Variants in BCR observed in about 807,000 individuals in gnomAD.
The protein encoded by BCR is BCR activator of RhoGEF and GTPase, also known as breakpoint cluster region protein.
Under a neutral mutation model 138.6 loss-of-function variants are expected in BCR, and 58 were observed. That is an observed-to-expected ratio of 0.42 (90% CI 0.34 to 0.52). The LOEUF (loss-of-function observed/expected upper bound fraction) is 0.52. Ranked by LOEUF, BCR falls within the 20% of genes least tolerant of loss-of-function variation. The pLI is 0.06. For missense variants in BCR, 1,599 were observed against 1,727.2 expected, an observed-to-expected ratio of 0.93 and a Z score of 1.32; for synonymous variants, 786 against 730.1, an observed-to-expected ratio of 1.08 and a Z score of -1.23.
chr22:23,260,260 C>T (rs1248907742), intron 2 of BCR, among the ~76,000 whole-genome samples: 1 of 152,176 alleles, frequency 6.6e-6, no homozygotes, highest in Non-Finnish European at 1.5e-5. Context: ...AGCAGGGACG[C>T]TAATGAGAAG....
intron 1 of BCR, among the ~76,000 whole-genome samples, chr22:23,210,432 A>G (rs965418227): frequency 2.6e-5 from 4 of 152,156 alleles, no homozygotes; most frequent in African/African-American, 7.2e-5. Context: ...GAAAAAAAAA[A>G]AAAAAATTAA....
chr22:23,231,238 G>A (rs1225967779), intron 1 of BCR, among the ~76,000 whole-genome samples: 1 of 152,078 alleles, frequency 6.6e-6, no homozygotes, highest in African/African-American at 2.4e-5. Flanking sequence ...ACCAGGGCAT[G>A]GTGGCTTGCT....
At chr22:23,197,571 G>A (rs2146206252) in intron 1 of BCR, among the ~76,000 whole-genome samples, 1 of 152,290 alleles carries the variant, frequency 6.6e-6, no homozygotes, top group Non-Finnish European at 1.5e-5. Flanking sequence ...GGCTCTGGTT[G>A]GAGAGTTGGT....
intron 1 of BCR, among the ~76,000 whole-genome samples, chr22:23,208,585 G>A (rs908429764): frequency 3.9e-5 from 6 of 152,180 alleles, no homozygotes; most frequent in African/African-American, 1.4e-4. Flanking sequence ...AGGCACTGTG[G>A]CTCATGCCTA....
At chr22:23,245,661 TC>T (rs1474949718) in intron 1 of BCR, among the ~76,000 whole-genome samples, 1 of 152,008 alleles carries the variant, frequency 6.6e-6, no homozygotes, top group Non-Finnish European at 1.5e-5. Context: ...ACCACACATC[TC>T]CGAAAGCACT....
intron 1 of BCR, among the ~76,000 whole-genome samples, chr22:23,250,430 C>G (rs1032908536): frequency 2.0e-5 from 3 of 152,178 alleles, no homozygotes; most frequent in Admixed American, 6.5e-5. Flanking sequence ...TGGTTTTAGT[C>G]TCTTTCTCTA....
Position 23,181,924 on chromosome 22 carries a change from G to T in BCR, c.964G>T (p.Glu322Ter). Residue 322 changes from glutamate to a stop codon, truncating the protein, a stop_gained, in exon 1 of 23, where the codon GAG becomes TAG. Coordinates refer to ENST00000305877, the MANE Select transcript of BCR (RefSeq NM_004327.4). LOFTEE classifies it high-confidence loss of function. The part of the protein sequence containing the change: ...PRRSYSPRSF[E>*]DCGGGYTPDC... ...CAGGTCCTACTCCCCCCGGAGTTTTGAGGATTGCGGAGGCGGCTATACCCC... is the reference window on the plus strand; with the variant it reads ...CAGGTCCTACTCCCCCCGGAGTTTTTAGGATTGCGGAGGCGGCTATACCCC... The T allele has an allele frequency of 1.2e-6, 2 of 1,613,128 alleles. No homozygotes were observed. Among genetic ancestry groups the T allele is most frequent in the Non-Finnish European group, 1.7e-6 (2 of 1,179,922 alleles).
chr22:23,311,831 A>G lies in BCR; in HGVS notation c.3317A>G (p.Asp1106Gly). The change falls in exon 19 of 23, where the codon GAC (aspartate) becomes GGC (glycine). Residue 1106 changes from aspartate to glycine, a missense_variant. Physicochemically the swap from Asp to Gly is moderately conservative, Grantham distance 94. Coordinates refer to ENST00000305877, the MANE Select transcript of BCR (RefSeq NM_004327.4). ...TDIQALKAAFDVNNKDVSVMM... is the reference protein window; with the variant it reads ...TDIQALKAAFGVNNKDVSVMM... ...ATCCAGGCACTGAAGGCAGCCTTCG[A>G]CGTCAGTGAGTGTTGGCCTGCGCAG... is the stretch of plus-strand genomic sequence containing the variant. 1 of 1,611,680 alleles carries G rather than the reference A, an allele frequency of 6.2e-7. No individual in the cohort carries two copies. Among genetic ancestry groups the G allele is most frequent in the Non-Finnish European group, 8.5e-7 (1 of 1,179,848 alleles).
At chr22:23,210,412 G>A (rs1332372876) in intron 1 of BCR, among the ~76,000 whole-genome samples, 1 of 145,866 alleles carries the variant, frequency 6.9e-6, no homozygotes, top group African/African-American at 2.6e-5. Context: ...GTAAGACCCT[G>A]TCTCAAAAAG....
chr22:23,254,558 A>G, intron 2 of BCR: 1 of 511,952 alleles, frequency 2.0e-6, no homozygotes. Flanking sequence ...CCAAGAAAGC[A>G]GTGGACCCAC....
chr22:23,184,938 G>A (rs1245621437), intron 1 of BCR, among the ~76,000 whole-genome samples: 1 of 152,158 alleles, frequency 6.6e-6, no homozygotes, highest in Non-Finnish European at 1.5e-5. Flanking sequence ...GGGGGAGGAA[G>A]TCACCCTAAT....
At chr22:23,258,465 C>CT (rs1378281989) in intron 2 of BCR, among the ~76,000 whole-genome samples, 1 of 152,090 alleles carries the variant, frequency 6.6e-6, no homozygotes, top group Non-Finnish European at 1.5e-5. Context: ...TGCCTCCCTC[C>CT]TAGAGGGCCA....
chr22:23,274,795 C>T (rs2073552962), intron 8 of BCR, among the ~76,000 whole-genome samples: 1 of 151,520 alleles, frequency 6.6e-6, no homozygotes, highest in African/African-American at 2.4e-5. Flanking sequence ...GTAATCCCAG[C>T]TACTCGGGAG....
At chr22:23,291,785 C>G (rs1437213323) in intron 14 of BCR, among the ~76,000 whole-genome samples, 1 of 152,172 alleles carries the variant, frequency 6.6e-6, no homozygotes, top group African/African-American at 2.4e-5. Context: ...GTGGTCTGCT[C>G]TCCCTCCGTT....
intron 1 of BCR, among the ~76,000 whole-genome samples, chr22:23,236,225 C>G (rs2073021409): frequency 6.6e-6 from 1 of 152,178 alleles, no homozygotes; most frequent in Non-Finnish European, 1.5e-5. Flanking sequence ...AAGACAGGTT[C>G]CTCAAACCCC....
intron 4 of BCR, 80 bp from the exon 5 acceptor site, chr22:23,268,328 C>G: frequency 1.7e-6 from 2 of 1,175,564 alleles, no homozygotes; most frequent in South Asian, 2.8e-5. Flanking sequence ...TTCTGCAGAG[C>G]TGTGCACGGG....
intron 5 of BCR, among the ~76,000 whole-genome samples, chr22:23,269,161 G>T (rs2073480187): frequency 6.6e-6 from 1 of 152,256 alleles, no homozygotes; most frequent in South Asian, 2.1e-4. Context: ...CCATGAATGG[G>T]CCATTCAGAA....
intron 4 of BCR, chr22:23,262,900 G>C: frequency 1.8e-6 from 2 of 1,083,158 alleles, no homozygotes; most frequent in Non-Finnish European, 2.2e-6. Flanking sequence ...GCTGAGGCGG[G>C]AGCGAGGACA....
chr22:23,279,860 C>A (rs1303070807), intron 8 of BCR, among the ~76,000 whole-genome samples: 1 of 152,152 alleles, frequency 6.6e-6, no homozygotes, highest in African/African-American at 2.4e-5. Context: ...CACACACAGG[C>A]CTTTACCTCT....
Sources: allele counts gnomAD v4.1 joint callset (sites outside exome capture counted in the v4.1 genomes callset), GRCh38; gene constraint gnomAD v4.1.1; transcripts MANE v1.5; gene names NCBI Gene and HGNC (gene_info 2026-07-23, HGNC 2026-07-21).